Variants in DRC5 observed in about 807,000 individuals in gnomAD.
DRC5 encodes dynein regulatory complex subunit 5, also known as T-complex-associated testis-expressed protein 1.
the DRC5 span, chr6:44,282,256 G>A: frequency 6.2e-7 from 1 of 1,614,218 alleles, no homozygotes; most frequent in Non-Finnish European, 8.5e-7. Context: ...TGCAAGGCAT[G>A]GGCAAGAGCC....
chr6:44,289,638 C>T, the DRC5 span, among the ~76,000 whole-genome samples: 4 of 152,142 alleles, frequency 2.6e-5, no homozygotes, highest in African/African-American at 9.7e-5. Flanking sequence ...TCTCCCCATC[C>T]AGTCTTCCTC....
the DRC5 span, chr6:44,286,268 A>G: frequency 1.9e-6 from 3 of 1,612,914 alleles, no homozygotes; most frequent in Non-Finnish European, 8.5e-7. Flanking sequence ...GCAGAGCGGC[A>G]GCAGGTCGAG....
chr6:44,279,441 C>G, the DRC5 span: 1 of 152,194 alleles, frequency 6.6e-6, no homozygotes, highest in East Asian at 1.9e-4. Context: ...GGATGACTCA[C>G]TGACTTCCTG....
chr6:44,294,772 C>CAAAAAAAAAAAAAAA, the DRC5 span, among the ~76,000 whole-genome samples: 2 of 88,674 alleles, frequency 2.3e-5, no homozygotes, highest in Non-Finnish European at 4.1e-5. Context: ...AACTCTGTCT[C>CAAAAAAAAAAAAAAA]AAAAAAAAAA....
At chr6:44,286,048 C>A in the DRC5 span, 3 of 1,614,058 alleles carry the variant, frequency 1.9e-6, no homozygotes, top group African/African-American at 2.7e-5. Flanking sequence ...ACTCGAAATT[C>A]ATGCCGCAGT....
the DRC5 span, among the ~76,000 whole-genome samples, chr6:44,293,135 T>G: frequency 5.7e-4 from 86 of 152,008 alleles, 3 homozygotes; most frequent in South Asian, 0.018. Context: ...GGCCCCCAGG[T>G]TATTACTCAC....
At chr6:44,278,884 C>A in the DRC5 span, 1 of 151,744 alleles carries the variant, frequency 6.6e-6, no homozygotes, top group African/African-American at 2.4e-5. Context: ...CACACACACA[C>A]ACACACACAC....
At chr6:44,287,447 G>T in the DRC5 span, 1 of 1,246,832 alleles carries the variant, frequency 8.0e-7, no homozygotes, top group Non-Finnish European at 1.1e-6. Flanking sequence ...AGCAGGGGCT[G>T]CCCCAGGACC....
chr6:44,289,691 G>A, the DRC5 span, among the ~76,000 whole-genome samples: 1 of 152,236 alleles, frequency 6.6e-6, no homozygotes, highest in Admixed American at 6.5e-5. Context: ...CAGTGGGCAA[G>A]CGTGGGAGGC....
chr6:44,286,248 C>T, the DRC5 span: 30 of 1,612,654 alleles, frequency 1.9e-5, no homozygotes, highest in Non-Finnish European at 2.5e-5. Context: ...ACCCTGCGCA[C>T]GTAATTCCGG....
the DRC5 span, among the ~76,000 whole-genome samples, chr6:44,293,082 C>G: frequency 3.9e-5 from 6 of 152,094 alleles, no homozygotes; most frequent in African/African-American, 1.4e-4. Flanking sequence ...AATCCTCAAT[C>G]AGTAGATGAA....
chr6:44,285,374 T>C, the DRC5 span, among the ~76,000 whole-genome samples: 1 of 152,170 alleles, frequency 6.6e-6, no homozygotes, highest in African/African-American at 2.4e-5. Flanking sequence ...CTTATAAAAA[T>C]TCTTTGCTGT....
chr6:44,286,092 G>A, the DRC5 span: 2 of 1,614,188 alleles, frequency 1.2e-6, no homozygotes, highest in Non-Finnish European at 1.7e-6. Context: ...AGCTCCTCCA[G>A]GTGGCTCAGG....
the DRC5 span, chr6:44,282,372 T>G: frequency 6.2e-7 from 1 of 1,614,200 alleles, no homozygotes; most frequent in Non-Finnish European, 8.5e-7. Flanking sequence ...TGCACGCACC[T>G]GGTTGTTAGC....
chr6:44,293,077 T>G, the DRC5 span, among the ~76,000 whole-genome samples: 27 of 152,282 alleles, frequency 1.8e-4, no homozygotes, highest in African/African-American at 5.3e-4. Context: ...GGAAAAATCC[T>G]CAATCAGTAG....
At chr6:44,292,403 C>T in the DRC5 span, among the ~76,000 whole-genome samples, 29 of 152,226 alleles carry the variant, frequency 1.9e-4, no homozygotes, top group African/African-American at 6.8e-4. Flanking sequence ...ACAACCCCTC[C>T]CGTTGTCAGA....
the DRC5 span, among the ~76,000 whole-genome samples, chr6:44,292,854 A>G: frequency 6.6e-6 from 1 of 152,162 alleles, no homozygotes; most frequent in Non-Finnish European, 1.5e-5. Context: ...ATAGACAGAG[A>G]CAGCATCCTG....
At chr6:44,281,942 G>C in the DRC5 span, among the ~76,000 whole-genome samples, 1 of 152,152 alleles carries the variant, frequency 6.6e-6, no homozygotes, top group Non-Finnish European at 1.5e-5. Context: ...CAGTTACTTA[G>C]GTAACTGTAA....
At chr6:44,294,514 G>A in the DRC5 span, among the ~76,000 whole-genome samples, 3 of 151,800 alleles carry the variant, frequency 2.0e-5, no homozygotes, top group Non-Finnish European at 4.4e-5. Flanking sequence ...GGAGGTCGAG[G>A]AGGGTGGATT....
Sources: gnomAD v4.1 joint callset for allele counts (sites outside exome capture counted in the v4.1 genomes callset) on GRCh38, gnomAD v4.1.1 for gene constraint, MANE v1.5 for transcripts, NCBI Gene and HGNC (gene_info 2026-07-23, HGNC 2026-07-21) for gene names.